The following MAGI1 variants were observed in gnomAD, a reference collection of about 807,000 sequenced individuals.
MAGI1 encodes membrane associated guanylate kinase, WW and PDZ domain containing 1.
A neutral mutation model predicts 139.9 loss-of-function variants in MAGI1; 58 were observed. The observed-to-expected ratio is 0.41, with a 90% CI of 0.34 to 0.52. The LOEUF (loss-of-function observed/expected upper bound fraction) is 0.52. Among genes scored for constraint, MAGI1 ranks in the 20% least tolerant of loss-of-function variants. MAGI1 has a pLI of 0.12. For synonymous variants in MAGI1, 812 were observed against 737.9 expected (o/e 1.10, Z -1.63); for missense variants, 1,874 against 1,901.6 (o/e 0.99, Z 0.27).
rs542484160 is a variant in MAGI1, at chr3:65,591,090, T to C, written c.430+30882A>G. 9.3e-4 allele frequency among the ~76,000 whole-genome samples: 142 copies of C among 152,224 alleles called. 2 individuals are homozygous for C. The South Asian group carries it at 0.028, about 30-fold the overall frequency. On this transcript the variant is annotated intron_variant, in intron 2 of 22. Coordinates refer to ENST00000402939, the MANE Select transcript of MAGI1 (RefSeq NM_001033057.2). ...GTTCCTTTCATCACCGTTTCCATCA[T>C]TCAAAAACTGGGGAATGTTGGGCTA...
chr3:65,452,476 G>A (rs1408127941), intron 6 of MAGI1: 9 of 152,070 alleles, frequency 5.9e-5, no homozygotes, highest in Admixed American at 1.3e-4. Flanking sequence ...AAAGCAGAGC[G>A]AAGCAAACCA....
intron 1 of MAGI1, among the ~76,000 whole-genome samples, chr3:65,708,497 A>G (rs768150446): frequency 5.9e-5 from 9 of 152,134 alleles, no homozygotes; most frequent in Non-Finnish European, 1.2e-4. Context: ...TTAACTCAGA[A>G]CATCTCTTTC....
At chr3:65,914,511 G>A (rs1490928383) in intron 1 of MAGI1, among the ~76,000 whole-genome samples, 1 of 152,166 alleles carries the variant, frequency 6.6e-6, no homozygotes, top group Non-Finnish European at 1.5e-5. Context: ...TTCAAGCCAA[G>A]CCTCAAGGCA....
chr3:65,942,109 T>C (rs1306085232), intron 1 of MAGI1, among the ~76,000 whole-genome samples: 1 of 152,148 alleles, frequency 6.6e-6, no homozygotes, highest in African/African-American at 2.4e-5. Context: ...GAAAATGCCA[T>C]TTTCCTTCCT....
At chr3:65,717,281 T>A (rs1243112133) in intron 1 of MAGI1, among the ~76,000 whole-genome samples, 2 of 152,154 alleles carry the variant, frequency 1.3e-5, no homozygotes. Flanking sequence ...GTTTTGTCCC[T>A]TAGGAAACAT....
At chr3:65,617,987 G>A (rs952214129) in intron 2 of MAGI1, among the ~76,000 whole-genome samples, 8 of 152,142 alleles carry the variant, frequency 5.3e-5, no homozygotes, top group African/African-American at 1.4e-4. Flanking sequence ...AGGAGGTCAC[G>A]GAGTGCAGCT....
At chr3:65,431,898 C>A (rs1348757272) in intron 10 of MAGI1, among the ~76,000 whole-genome samples, 1 of 152,024 alleles carries the variant, frequency 6.6e-6, no homozygotes, top group Non-Finnish European at 1.5e-5. Context: ...GAGGCTGAGG[C>A]AGGACAATCA....
chr3:65,970,367 G>A (rs1412332461), intron 1 of MAGI1, among the ~76,000 whole-genome samples: 2 of 152,048 alleles, frequency 1.3e-5, no homozygotes, highest in Non-Finnish European at 1.5e-5. Context: ...ATATGTAATC[G>A]ATAAAGAGTT....
intron 1 of MAGI1, among the ~76,000 whole-genome samples, chr3:65,800,864 T>C (rs1202000630): frequency 6.6e-6 from 1 of 152,206 alleles, no homozygotes; most frequent in Admixed American, 6.5e-5. Context: ...ATTGTTCCTG[T>C]TAGGTTGGTG....
At chr3:65,418,100 A>G (rs981576275) in intron 12 of MAGI1, among the ~76,000 whole-genome samples, 3 of 152,150 alleles carry the variant, frequency 2.0e-5, no homozygotes, top group Non-Finnish European at 2.9e-5. Flanking sequence ...AGTTCCCGCA[A>G]CAGATAACTG....
intron 4 of MAGI1, among the ~76,000 whole-genome samples, 158 bp from the exon 5 acceptor site, chr3:65,470,642 C>T (rs777855842): frequency 2.6e-4 from 40 of 152,074 alleles, no homozygotes; most frequent in Admixed American, 7.2e-4. Context: ...ACTATTACTT[C>T]GATTTCATTT....
intron 22 of MAGI1, chr3:65,360,093 A>G: frequency 1.0e-6 from 1 of 985,358 alleles, no homozygotes; most frequent in Non-Finnish European, 1.2e-6. Context: ...GCACCTGTAC[A>G]AATGTCGAAC....
At chr3:65,459,211 C>T (rs965508221) in intron 5 of MAGI1, among the ~76,000 whole-genome samples, 1 of 152,164 alleles carries the variant, frequency 6.6e-6, no homozygotes, top group Non-Finnish European at 1.5e-5. Flanking sequence ...CATCTCTGTA[C>T]TATTATTTGA....
chr3:66,015,285 T>C (rs567045175), intron 1 of MAGI1, among the ~76,000 whole-genome samples: 1 of 152,196 alleles, frequency 6.6e-6, no homozygotes, highest in South Asian at 2.1e-4. Flanking sequence ...AAAATAAGCT[T>C]TGGATATATA....
intron 1 of MAGI1, among the ~76,000 whole-genome samples, chr3:65,632,035 A>AC (rs1350369348): frequency 6.6e-6 from 1 of 152,056 alleles, no homozygotes; most frequent in African/African-American, 2.4e-5. Context: ...AAAAAAAAAA[A>AC]AACAGATATT....
intron 1 of MAGI1, among the ~76,000 whole-genome samples, chr3:65,913,808 C>G (rs1405188059): frequency 6.6e-6 from 1 of 152,172 alleles, no homozygotes; most frequent in Non-Finnish European, 1.5e-5. Context: ...CGGAACATAT[C>G]GTATTTTTTG....
Position 65,617,550 on chromosome 3 carries a change from C to T in MAGI1, c.430+4422G>A, listed in dbSNP as rs139967815. Among the ~76,000 whole-genome samples, 965 of 152,208 alleles carry T rather than the reference C, an allele frequency of 6.3e-3. 14 individuals are homozygous for T. The highest frequency in any genetic ancestry group is 0.01 in the Middle Eastern group (3 of 294). On this transcript the variant is annotated intron_variant, in intron 2 of 22. Coordinates refer to ENST00000402939, the MANE Select transcript of MAGI1 (RefSeq NM_001033057.2). The stretch of plus-strand genomic sequence containing the variant: ...AGGAGGTACGGTGATATCTAGACTA[C>T]AATTAAGAGGAGCTGTGAACGGGCA...
intron 1 of MAGI1, among the ~76,000 whole-genome samples, chr3:65,778,817 T>A (rs1345467683): frequency 2.6e-5 from 4 of 152,208 alleles, no homozygotes; most frequent in African/African-American, 9.6e-5. Context: ...TGGATCAAGT[T>A]CCTATTAATA....
At chr3:65,606,541 C>T (rs770378404) in intron 2 of MAGI1, among the ~76,000 whole-genome samples, 3 of 150,418 alleles carry the variant, frequency 2.0e-5, no homozygotes, top group South Asian at 2.1e-4. Context: ...TTTTTGAGAT[C>T]GAATCTTGCT....
Sources: gnomAD v4.1 joint callset for allele counts (sites outside exome capture counted in the v4.1 genomes callset) on GRCh38, gnomAD v4.1.1 for gene constraint, MANE v1.5 for transcripts, NCBI Gene and HGNC (gene_info 2026-07-23, HGNC 2026-07-21) for gene names.